TC2N: variants seen among roughly 807,000 people sequenced by gnomAD.
TC2N encodes tandem C2 domains, nuclear.
TC2N carries 51 observed loss-of-function variants against 61.9 expected under a neutral mutation model. That is an observed-to-expected ratio of 0.82 (90% CI 0.66 to 1.04). The LOEUF (loss-of-function observed/expected upper bound fraction) is 1.04, where lower values mean the gene tolerates loss of function less well. Among genes scored for constraint, TC2N ranks in the 50% least tolerant of loss-of-function variants. The pLI, the probability that TC2N is intolerant of heterozygous loss-of-function variation, is 0.00. For synonymous variants in TC2N, 204 were observed against 192.6 expected (o/e 1.06, Z -0.49); for missense variants, 556 against 566.7 (o/e 0.98, Z 0.19).
intron 1 of TC2N, among the ~76,000 whole-genome samples, chr14:91,815,520 A>G (rs1886968131): frequency 6.6e-6 from 1 of 151,670 alleles, no homozygotes; most frequent in Admixed American, 6.6e-5. Flanking sequence ...CCAATTTCCT[A>G]TTGTCCTTGG....
At position 91,785,312 on chromosome 14, in the gene TC2N, C is replaced by A. The variant is rs1219309904; in HGVS notation, c.1212G>T (p.Lys404Asn). 1 of 1,613,734 alleles carries A rather than the reference C, an allele frequency of 6.2e-7. No individual in the cohort carries two copies. The highest frequency in any genetic ancestry group is 2.2e-5 in the East Asian group (1 of 44,818). ...AGGCCTTCAGTAAGCGTGTCTTTTT[C>A]TTATAAATCAACTCTCCCGAGCTAA... ...GMFSSGELIY[K>N]KKTRLLKASN... The change falls in exon 11 of 12, where the codon AAG (lysine) becomes AAT (asparagine). Residue 404 changes from lysine to asparagine, a missense_variant. Transcript: ENST00000435962.
chr14:91,822,065 C>T (rs1887279438), intron 1 of TC2N, among the ~76,000 whole-genome samples: 1 of 152,146 alleles, frequency 6.6e-6, no homozygotes, highest in Admixed American at 6.5e-5. Flanking sequence ...TGTAAAATGG[C>T]ATGACCACTT....
At chr14:91,802,999 C>T (rs1189539631) in intron 3 of TC2N, among the ~76,000 whole-genome samples, 2 of 151,988 alleles carry the variant, frequency 1.3e-5, no homozygotes, top group African/African-American at 4.8e-5. Flanking sequence ...AAGATTCGCT[C>T]TACTGGGAAT....
chr14:91,813,873 C>T lies in TC2N; in HGVS notation c.-56-48G>A, dbSNP rs2139865853. 5.7e-6 allele frequency: 4 copies of T among 701,696 alleles called. No homozygotes were observed. In the South Asian group the frequency reaches 5.8e-5, roughly 10 times the overall value. The allele number at this position is 701,696 out of a possible 1,614,324, so 43.5% of individuals were successfully genotyped here. A position where few individuals can be genotyped will look rare whatever the true frequency, so the allele number is the denominator to read the frequency against. ...GTTAACCTGCTTGTCATGCTTAATA[C>T]CATTAGATATTACTAAATAAACCAC... On this transcript the variant is annotated intron_variant, in intron 1 of 11. Coordinates refer to ENST00000435962, the MANE Select transcript of TC2N (RefSeq NM_001128596.3).
In TC2N at chr14:91,782,303, T is replaced by C. The variant is rs1885167253; in HGVS notation, c.*797A>G. The C allele has an allele frequency of 6.6e-6, 1 of 152,034 alleles. No homozygotes were observed. Among genetic ancestry groups the C allele is most frequent in the African/African-American group, 2.4e-5 (1 of 41,466 alleles). The allele number at this position is 152,034 out of a possible 1,614,324, so 9.4% of individuals were successfully genotyped here. On this transcript the variant is annotated 3_prime_UTR_variant, in exon 12 of 12. Transcript: ENST00000435962. ...ATCATAAAATACTGAATTTTCTATT[T>C]AAGCTCATTTAATTCTGTGAATTAG...
chr14:91,789,572 C>G (rs1391808477), intron 9 of TC2N, among the ~76,000 whole-genome samples: 1 of 151,066 alleles, frequency 6.6e-6, no homozygotes, highest in African/African-American at 2.4e-5. Flanking sequence ...GATTGCACCA[C>G]TGCACTCCAG....
intron 1 of TC2N, among the ~76,000 whole-genome samples, chr14:91,830,844 T>C (rs192914785): frequency 1.3e-3 from 197 of 152,322 alleles, no homozygotes; most frequent in African/African-American, 4.4e-3. Flanking sequence ...TTTCCTTTCT[T>C]GTTTTACCTG....
At chr14:91,825,268 G>A (rs562313652) in intron 1 of TC2N, among the ~76,000 whole-genome samples, 14 of 151,834 alleles carry the variant, frequency 9.2e-5, no homozygotes, top group African/African-American at 3.1e-4. Context: ...TCCTAACCTC[G>A]TGATCCACCC....
In TC2N at chr14:91,779,804, G is replaced by C. The variant is rs565788507; in HGVS notation, c.*3296C>G. 2.0e-5 allele frequency: 3 copies of C among 151,792 alleles called. No individual in the cohort carries two copies. The highest frequency in any genetic ancestry group is 4.4e-5 in the Non-Finnish European group (3 of 67,978). The allele number at this position is 151,792 out of a possible 1,614,324, so 9.4% of individuals were successfully genotyped here. ...GTTTATAGAAATCACATTTTTTATAGATTAAAAAACTTAAAACTAAAAAAG... is the reference window on the plus strand; with the variant it reads ...GTTTATAGAAATCACATTTTTTATACATTAAAAAACTTAAAACTAAAAAAG... On this transcript the variant is annotated 3_prime_UTR_variant, in exon 12 of 12. Transcript: ENST00000435962.
At chr14:91,851,482 G>A (rs904170523) in intron 1 of TC2N, among the ~76,000 whole-genome samples, 1 of 152,166 alleles carries the variant, frequency 6.6e-6, no homozygotes, top group Non-Finnish European at 1.5e-5. Flanking sequence ...AGTTCTGTAA[G>A]TGGCCAGTGC....
intron 3 of TC2N, among the ~76,000 whole-genome samples, chr14:91,804,978 T>C (rs921942977): frequency 2.6e-5 from 4 of 152,222 alleles, no homozygotes; most frequent in African/African-American, 4.8e-5. Flanking sequence ...AAAGAAAATA[T>C]AGGTCAAATT....
rs1885021942 is a variant in TC2N, at chr14:91,780,115, T to C, written c.*2985A>G. On this transcript the variant is annotated 3_prime_UTR_variant, in exon 12 of 12. Transcript: ENST00000435962. ...TGCACCAAGATAACATTAGAAAGTG[T>C]CTTCAGACATTTTATCAGGTATTTT... 1 of 152,182 alleles carries C rather than the reference T, an allele frequency of 6.6e-6. No individual in the cohort carries two copies. The highest frequency in any genetic ancestry group is 1.5e-5 in the Non-Finnish European group (1 of 68,028). 9.4% of individuals were successfully genotyped at this position (152,182 alleles called of 1,614,324 possible).
At chr14:91,809,054 T>C (rs1886650373) in intron 3 of TC2N, among the ~76,000 whole-genome samples, 1 of 152,194 alleles carries the variant, frequency 6.6e-6, no homozygotes, top group Admixed American at 6.5e-5. Context: ...TGAGAAACAC[T>C]ATTGATATGC....
At chr14:91,824,655 G>GCTT (rs1182817838) in intron 1 of TC2N, among the ~76,000 whole-genome samples, 1 of 152,208 alleles carries the variant, frequency 6.6e-6, no homozygotes, top group Admixed American at 6.5e-5. Flanking sequence ...AGACAGACAA[G>GCTT]CTTTTGGAGC....
intron 5 of TC2N, 136 bp from the exon 6 acceptor site, chr14:91,799,200 C>A: frequency 2.0e-6 from 1 of 507,418 alleles, no homozygotes; most frequent in Non-Finnish European, 3.4e-6. Context: ...GAATTTCCCA[C>A]TTACAGGTAG....
chr14:91,824,275 T>C (rs1887393279), intron 1 of TC2N, among the ~76,000 whole-genome samples: 1 of 152,214 alleles, frequency 6.6e-6, no homozygotes. Context: ...TGCTCCAATA[T>C]TACAGTCAGT....
At chr14:91,832,632 T>C (rs1347822071) in intron 1 of TC2N, among the ~76,000 whole-genome samples, 2 of 152,126 alleles carry the variant, frequency 1.3e-5, no homozygotes, top group Non-Finnish European at 2.9e-5. Context: ...AAATGAACAC[T>C]TACATCCCGC....
At chr14:91,789,390 G>A (rs568641257) in intron 9 of TC2N, among the ~76,000 whole-genome samples, 6 of 150,998 alleles carry the variant, frequency 4.0e-5, no homozygotes, top group Admixed American at 2.0e-4. Context: ...AGGTCAGATC[G>A]AGACCACCCT....
At chr14:91,828,795 T>C (rs565367097) in intron 1 of TC2N, among the ~76,000 whole-genome samples, 3 of 152,160 alleles carry the variant, frequency 2.0e-5, no homozygotes, top group South Asian at 4.1e-4. Flanking sequence ...TTAATACAGA[T>C]TTTTAGGTTT....
Sources: allele counts gnomAD v4.1 joint callset (sites outside exome capture counted in the v4.1 genomes callset), GRCh38; gene constraint gnomAD v4.1.1; transcripts MANE v1.5; gene names NCBI Gene and HGNC (gene_info 2026-07-23, HGNC 2026-07-21).